The following USH2A variants were observed in gnomAD, a reference collection of about 807,000 sequenced individuals.
USH2A encodes usherin, also known as Usher syndrome 2A (autosomal recessive, mild).
Under a neutral mutation model 538.9 loss-of-function variants are expected in USH2A, and 443 were observed. The ratio of observed to expected loss-of-function variants is 0.82; its 90% CI spans 0.76 to 0.89. The LOEUF is 0.89. USH2A is among the 40% of genes least tolerant of loss of function. The pLI is 0.00. For missense variants in USH2A, 6,633 were observed against 6,324.8 expected (o/e 1.05, Z -1.65); for synonymous variants, 2,413 against 2,273.5 (o/e 1.06, Z -1.75).
intron 9 of USH2A, among the ~76,000 whole-genome samples, chr1:216,318,490 A>G (rs936445909): frequency 6.6e-6 from 1 of 152,194 alleles, no homozygotes; most frequent in African/African-American, 2.4e-5. Flanking sequence ...ATGTTTCTAT[A>G]AAATCATTTT....
At chr1:215,678,713 GAC>G (rs150396890) in intron 62 of USH2A, among the ~76,000 whole-genome samples, 2,453 of 149,600 alleles carry the variant, frequency 0.016, 65 homozygotes, top group African/African-American at 0.055. Context: ...TATTCACACA[GAC>G]ACACACACAC....
At chr1:215,676,947 G>A (rs1050626343) in intron 62 of USH2A, among the ~76,000 whole-genome samples, 3 of 152,206 alleles carry the variant, frequency 2.0e-5, no homozygotes, top group African/African-American at 4.8e-5. Flanking sequence ...TTAAATAGGC[G>A]ATTACCAATT....
intron 56 of USH2A, among the ~76,000 whole-genome samples, chr1:215,765,281 C>T (rs1014941961): frequency 3.3e-5 from 5 of 152,038 alleles, no homozygotes; most frequent in African/African-American, 1.2e-4. Context: ...TTCTTCCTTT[C>T]AAAGGAACAC....
chr1:216,354,485 G>A (rs545431032), intron 4 of USH2A, among the ~76,000 whole-genome samples: 1 of 152,272 alleles, frequency 6.6e-6, no homozygotes, highest in Non-Finnish European at 1.5e-5. Context: ...AGATCTAGGG[G>A]TGATAGTGAA....
chr1:216,133,265 T>C lies in USH2A; in HGVS notation c.4628-36052A>G, dbSNP rs116710747. Among the ~76,000 whole-genome samples the C allele has an allele frequency of 7.5e-3, 1,140 of 152,260 alleles. 3 individuals are homozygous for C. The highest frequency in any genetic ancestry group is 0.011 in the Non-Finnish European group (750 of 68,008). ...GAACATTTTAAATATATTTTGTTTT[T>C]AGGCCTCTGTTCCAGGGAACACCAG... On this transcript the variant is annotated intron_variant, in intron 21 of 71. Transcript: ENST00000307340.
At chr1:215,892,424 A>G (rs1254178365) in intron 40 of USH2A, among the ~76,000 whole-genome samples, 2 of 152,226 alleles carry the variant, frequency 1.3e-5, no homozygotes. Context: ...TGAATTAAAA[A>G]TCAAAGTGGC....
chr1:215,835,326 C>CT (rs940166205), intron 47 of USH2A, among the ~76,000 whole-genome samples: 10 of 151,648 alleles, frequency 6.6e-5, no homozygotes, highest in African/African-American at 1.2e-4. Flanking sequence ...TGAGATCATT[C>CT]TTTTTTTTCT....
intron 24 of USH2A, among the ~76,000 whole-genome samples, chr1:216,085,569 A>G (rs1477980403): frequency 6.6e-6 from 1 of 152,156 alleles, no homozygotes; most frequent in Non-Finnish European, 1.5e-5. Context: ...TGAGAGTTTT[A>G]TAAGGCCAAT....
rs1339977725 is a variant in USH2A, at chr1:216,070,077, A to G, written c.6049+24T>C. ...AACAAAAAGGAAGTTAATAGGGTCT[A>G]CTCTGTTAAAGGATTGCATTTACCT... On this transcript the variant is annotated intron_variant, in intron 30 of 71. Transcript: ENST00000307340. 4 of 1,612,956 alleles carry G rather than the reference A, an allele frequency of 2.5e-6. No individual in the cohort carries two copies. The South Asian group carries it at 3.3e-5, about 13-fold the overall frequency.
Position 216,422,093 on chromosome 1 carries a change from G to A in USH2A, c.244C>T (p.Arg82Trp), listed in dbSNP as rs373005305. ...TATGGGCAATCCTGAATACAAAACCGCTGGGTACAGAACTGAATACTTTCA... is the reference window on the plus strand; with the variant it reads ...TATGGGCAATCCTGAATACAAAACCACTGGGTACAGAACTGAATACTTTCA... ...AAESIQFCTQ[R>W]FCIQDCPYRS... Residue 82 changes from arginine to tryptophan, a missense_variant, in exon 2 of 72, where the codon CGG becomes TGG. Arg to Trp is a moderately radical substitution (Grantham distance 101). Transcript: ENST00000307340. The A allele has an allele frequency of 3.0e-5, 49 of 1,613,676 alleles. No homozygotes were observed. The highest frequency in any genetic ancestry group is 4.5e-5 in the East Asian group (2 of 44,838).
chr1:216,002,357 C>G (rs916018562), intron 32 of USH2A, among the ~76,000 whole-genome samples: 1 of 152,120 alleles, frequency 6.6e-6, no homozygotes, highest in African/African-American at 2.4e-5. Context: ...GGTGACCTTT[C>G]TCTCTCTCAT....
intron 38 of USH2A, among the ~76,000 whole-genome samples, chr1:215,919,415 A>G (rs1666039961): frequency 6.6e-6 from 1 of 152,130 alleles, no homozygotes; most frequent in African/African-American, 2.4e-5. Context: ...TTACAGAAGA[A>G]CAAAGTAAAG....
intron 37 of USH2A, among the ~76,000 whole-genome samples, chr1:215,944,542 T>C (rs934518606): frequency 1.3e-5 from 2 of 152,162 alleles, no homozygotes; most frequent in Non-Finnish European, 1.5e-5. Context: ...TCTTTCATTA[T>C]TCAGCATTAA....
intron 32 of USH2A, among the ~76,000 whole-genome samples, chr1:216,016,528 T>C (rs545229526): frequency 1.3e-5 from 2 of 152,262 alleles, no homozygotes; most frequent in African/African-American, 4.8e-5. Flanking sequence ...GTTCAATGTT[T>C]GCATTATCCA....
In USH2A at chr1:215,680,280, G is replaced by C; in HGVS notation, c.12163C>G (p.Pro4055Ala). Residue 4055 changes from proline to alanine, a missense_variant, in exon 62 of 72, where the codon CCT becomes GCT. Pro to Ala is a conservative substitution (Grantham distance 27, BLOSUM62 -1). Coordinates refer to ENST00000307340, the MANE Select transcript of USH2A (RefSeq NM_206933.4). ...AANHAGEILS[P>A]WTLIQTLESS... ...TCTAAGGTTTGAATCAGAGTCCAAG[G>C]GCTTAAAATTTCTCCTGCATGGTTT... 1 of 1,614,050 alleles carries C rather than the reference G, an allele frequency of 6.2e-7. No homozygotes were observed. The highest frequency in any genetic ancestry group is 1.1e-5 in the South Asian group (1 of 91,088).
chr1:215,888,482 G>T lies in USH2A; in HGVS notation c.8167C>A (p.Arg2723=). The T allele has an allele frequency of 6.2e-7, 1 of 1,613,984 alleles. No homozygotes were observed. The highest frequency in any genetic ancestry group is 1.1e-5 in the South Asian group (1 of 91,072). The change falls in exon 41 of 72, where the codon CGA becomes AGA. Residue 2723 remains arginine (R), a synonymous_variant. Coordinates refer to ENST00000307340, the MANE Select transcript of USH2A (RefSeq NM_206933.4). ...ACAGGTGGCTGCACCCCAGCAGGTC[G>T]TGAGGGTCTTGTGGTAACTTCTACC... ...AWVEVTTRPS[R]PAGVQPPVVT... is the part of the protein sequence containing the mutation.
At chr1:216,339,052 A>G (rs1369598171) in intron 4 of USH2A, among the ~76,000 whole-genome samples, 1 of 151,638 alleles carries the variant, frequency 6.6e-6, no homozygotes, top group Non-Finnish European at 1.5e-5. Flanking sequence ...AATGCACACA[A>G]GGAGACATAC....
intron 50 of USH2A, among the ~76,000 whole-genome samples, chr1:215,796,592 T>C (rs1408786737): frequency 6.6e-6 from 1 of 152,124 alleles, no homozygotes; most frequent in East Asian, 1.9e-4. Context: ...TCCTTTATCT[T>C]TCTCCCTCTC....
In USH2A at chr1:216,037,807, G is replaced by GTT. The variant is rs34447404; in HGVS notation, c.6325+8622_6325+8623dup. Among the ~76,000 whole-genome samples, 461 of 146,990 alleles carry GTT rather than the reference G, an allele frequency of 3.1e-3. 2 individuals are homozygous for GTT. The highest frequency in any genetic ancestry group is 3.3e-3 in the African/African-American group (133 of 39,898). On this transcript the variant is annotated intron_variant, in intron 32 of 71. Coordinates refer to ENST00000307340, the MANE Select transcript of USH2A (RefSeq NM_206933.4). The stretch of plus-strand genomic sequence containing the variant: ...CAGGTATTAAGTCTAGTACCCATTA[G>GTT]TTTTTTTTTTTTCCTAATCCTCTCC...
Sources: allele counts gnomAD v4.1 joint callset (sites outside exome capture counted in the v4.1 genomes callset), GRCh38; gene constraint gnomAD v4.1.1; transcripts MANE v1.5; gene names NCBI Gene and HGNC (gene_info 2026-07-23, HGNC 2026-07-21).